KCNMB2: variants seen among roughly 807,000 people sequenced by gnomAD.
KCNMB2 encodes potassium calcium-activated channel subfamily M regulatory beta subunit 2, also known as calcium-activated potassium channel subunit beta-2.
In KCNMB2, 9 loss-of-function variants were observed where a neutral mutation model predicts 24.5. The ratio of observed to expected loss-of-function variants is 0.37; its 90% confidence interval spans 0.22 to 0.64. The LOEUF (loss-of-function observed/expected upper bound fraction) is 0.64. Ranked by LOEUF, KCNMB2 falls within the 30% of genes least tolerant of loss-of-function variation. KCNMB2 has a pLI of 0.63. For missense variants in KCNMB2, 226 were observed against 284.3 expected (o/e 0.79, Z 1.47); for synonymous variants, 109 against 104.4 (o/e 1.04, Z -0.27).
chr3:178,666,101 T>C (rs969724526), intron 1 of KCNMB2, among the ~76,000 whole-genome samples: 2 of 152,100 alleles, frequency 1.3e-5, no homozygotes, highest in Non-Finnish European at 2.9e-5. Flanking sequence ...ACCAGGGAAG[T>C]AGGTGTAAAT....
chr3:178,748,213 G>T (rs1439376031), intron 1 of KCNMB2: 1 of 152,162 alleles, frequency 6.6e-6, no homozygotes, highest in East Asian at 1.9e-4. Flanking sequence ...TTCAACAATA[G>T]CAAGTTAAAG....
chr3:178,711,677 GTCAGGCTAAAC>G (rs1242840572), intron 1 of KCNMB2, among the ~76,000 whole-genome samples: 1 of 152,182 alleles, frequency 6.6e-6, no homozygotes, highest in Non-Finnish European at 1.5e-5. Flanking sequence ...TAAAATTAAA[GTCAGGCTAAAC>G]ATCACTTCCA....
At chr3:178,756,777 T>G (rs956295793) in intron 1 of KCNMB2, among the ~76,000 whole-genome samples, 3 of 152,098 alleles carry the variant, frequency 2.0e-5, no homozygotes, top group Admixed American at 6.6e-5. Flanking sequence ...TTTCTCTGGA[T>G]GTACCCTATT....
intron 1 of KCNMB2, among the ~76,000 whole-genome samples, chr3:178,761,817 A>C (rs1711898957): frequency 6.6e-6 from 1 of 152,192 alleles, no homozygotes; most frequent in South Asian, 2.1e-4. Context: ...GAGATACACA[A>C]TAAACAAACA....
chr3:178,739,061 G>A (rs1723409523), intron 1 of KCNMB2, among the ~76,000 whole-genome samples: 2 of 151,418 alleles, frequency 1.3e-5, no homozygotes, highest in African/African-American at 4.9e-5. Flanking sequence ...TAAGATGAAA[G>A]GCTAGGGGCC....
chr3:178,759,402 GATATAT>G lies in KCNMB2; in HGVS notation c.-67-47926_-67-47921del, dbSNP rs1279082295. Among the ~76,000 whole-genome samples, 14 of 12,280 alleles carry G rather than the reference GATATAT, an allele frequency of 1.1e-3. 4 individuals are homozygous for G. The highest frequency in any genetic ancestry group is 5.6e-3 in the Admixed American group (5 of 888). 8.1% of individuals were successfully genotyped at this position (12,280 alleles called of 152,430 possible). Reference sequence around the variant, plus strand: ...ATATATATATATATCTCTCCAAGAGGATATATATATATATATATATCTCTCCAAGAG... The same window carrying G: ...ATATATATATATATCTCTCCAAGAGGATATATATATATATCTCTCCAAGAG... On this transcript the variant is annotated intron_variant, in intron 1 of 4. Coordinates refer to ENST00000452583, the MANE Select transcript of KCNMB2 (RefSeq NM_181361.3).
intron 1 of KCNMB2, among the ~76,000 whole-genome samples, chr3:178,581,195 G>T (rs1390992954): frequency 6.6e-6 from 1 of 152,002 alleles, no homozygotes; most frequent in Admixed American, 6.6e-5. Flanking sequence ...CAAAACAGAG[G>T]CCTCAGAAAT....
chr3:178,820,960 T>C (rs553306142), intron 2 of KCNMB2, among the ~76,000 whole-genome samples: 1 of 152,350 alleles, frequency 6.6e-6, no homozygotes, highest in South Asian at 2.1e-4. Flanking sequence ...ACCTTAAATA[T>C]GGTGCTTTGC....
At chr3:178,742,298 T>C (rs557504313) in intron 1 of KCNMB2, among the ~76,000 whole-genome samples, 157 of 152,312 alleles carry the variant, frequency 1.0e-3, no homozygotes, top group Non-Finnish European at 1.9e-3. Flanking sequence ...GGGGGCTTTG[T>C]TTAAACGTGT....
intron 1 of KCNMB2, among the ~76,000 whole-genome samples, chr3:178,620,342 AT>A (rs1266925141): frequency 1.3e-5 from 2 of 151,030 alleles, no homozygotes; most frequent in African/African-American, 5.0e-5. Flanking sequence ...AAAATTTTAA[AT>A]TATTTTTTAG....
chr3:178,708,237 T>C (rs114111664), intron 1 of KCNMB2, among the ~76,000 whole-genome samples: 348 of 152,200 alleles, frequency 2.3e-3, no homozygotes, highest in Non-Finnish European at 4.0e-3. Flanking sequence ...AGTGAATGCA[T>C]ATACCCTCAC....
At chr3:178,708,410 C>T (rs550849639) in intron 1 of KCNMB2, among the ~76,000 whole-genome samples, 2 of 152,144 alleles carry the variant, frequency 1.3e-5, no homozygotes, top group Admixed American at 1.3e-4. Flanking sequence ...TCATTTAATT[C>T]TCTCAACAAA....
At chr3:178,588,948 T>C (rs1392472956) in intron 1 of KCNMB2, among the ~76,000 whole-genome samples, 1 of 152,186 alleles carries the variant, frequency 6.6e-6, no homozygotes, top group Admixed American at 6.6e-5. Context: ...CTAATGACTG[T>C]TCAGGTCACA....
chr3:178,608,062 G>C (rs929310407), intron 1 of KCNMB2, among the ~76,000 whole-genome samples: 3 of 152,108 alleles, frequency 2.0e-5, no homozygotes, highest in Non-Finnish European at 4.4e-5. Flanking sequence ...ATGAGAGGAA[G>C]TAAAATTATA....
intron 2 of KCNMB2, among the ~76,000 whole-genome samples, chr3:178,813,053 G>A (rs1309736193): frequency 1.3e-5 from 2 of 152,078 alleles, no homozygotes; most frequent in African/African-American, 4.8e-5. Context: ...ATTAATTTGT[G>A]ATAAATTTAC....
In KCNMB2 at chr3:178,635,326, C is replaced by T. The variant is rs138920059; in HGVS notation, c.-68+98615C>T. Among the ~76,000 whole-genome samples, 825 of 152,036 alleles carry T rather than the reference C, an allele frequency of 5.4e-3. 3 individuals are homozygous for T. Among genetic ancestry groups the T allele is most frequent in the African/African-American group, 0.019 (774 of 41,468 alleles). On this transcript the variant is annotated intron_variant, in intron 1 of 4. Transcript: ENST00000452583. ...TAGGCTAGTGAGGCCTGGGGACATA[C>T]ATGTTACTAAGACAAGTATCCAGCA...
intron 1 of KCNMB2, among the ~76,000 whole-genome samples, chr3:178,698,910 C>T (rs1039948602): frequency 2.0e-5 from 3 of 152,330 alleles, no homozygotes; most frequent in Non-Finnish European, 4.4e-5. Context: ...TGCTAGACTG[C>T]ATGCTCCAAC....
At chr3:178,619,347 C>T (rs894203685) in intron 1 of KCNMB2, among the ~76,000 whole-genome samples, 1 of 152,080 alleles carries the variant, frequency 6.6e-6, no homozygotes, top group African/African-American at 2.4e-5. Context: ...AAGCAGCCTG[C>T]TCAGTTTTGA....
In KCNMB2 at chr3:178,797,754, C is replaced by T. The variant is rs187603875; in HGVS notation, c.-67-9589C>T. Among the ~76,000 whole-genome samples the T allele has an allele frequency of 6.2e-4, 94 of 152,314 alleles. No individual in the cohort carries two copies. The East Asian group carries it at 0.011, about 18-fold the overall frequency. ...TATGGCCATTTTCATGATATTGATTCTTCCTATCCATGAGCATGAATATTT... is the reference window on the plus strand; with the variant it reads ...TATGGCCATTTTCATGATATTGATTTTTCCTATCCATGAGCATGAATATTT... On this transcript the variant is annotated intron_variant, in intron 1 of 4. Transcript: ENST00000452583.
Sources: allele counts gnomAD v4.1 joint callset (sites outside exome capture counted in the v4.1 genomes callset), GRCh38; gene constraint gnomAD v4.1.1; transcripts MANE v1.5; gene names NCBI Gene and HGNC (gene_info 2026-07-23, HGNC 2026-07-21).